The following ARHGAP28 variants were observed in gnomAD, a reference collection of about 807,000 sequenced individuals.
ARHGAP28 encodes rho GTPase-activating protein 28.
ARHGAP28 carries 56 observed loss-of-function variants against 90.7 expected under a neutral mutation model. That is an observed-to-expected ratio of 0.62 (90% CI 0.50 to 0.77). The LOEUF (loss-of-function observed/expected upper bound fraction) is 0.77. Among genes scored for constraint, ARHGAP28 ranks in the 30% least tolerant of loss-of-function variants. The pLI is 0.00. For synonymous variants in ARHGAP28, 308 were observed against 323.3 expected (o/e 0.95, Z 0.51); for missense variants, 869 against 900.9 (o/e 0.96, Z 0.45).
chr18:6,769,369 A>G (rs561609672), intron 1 of ARHGAP28, among the ~76,000 whole-genome samples: 2 of 152,320 alleles, frequency 1.3e-5, no homozygotes, highest in South Asian at 4.1e-4. Flanking sequence ...CTGGGGCTCC[A>G]TGTCTATCGT....
chr18:6,854,271 C>T (rs1229288204), intron 4 of ARHGAP28, among the ~76,000 whole-genome samples: 2 of 151,798 alleles, frequency 1.3e-5, no homozygotes, highest in Non-Finnish European at 2.9e-5. Context: ...GTTGCCTGGA[C>T]CTCATTCCTT....
intron 1 of ARHGAP28, among the ~76,000 whole-genome samples, chr18:6,783,442 C>T (rs888929743): frequency 6.9e-6 from 1 of 144,136 alleles, no homozygotes; most frequent in African/African-American, 2.9e-5. Context: ...GCTGGGATTA[C>T]AGGCATGTGC....
chr18:6,746,440 A>G (rs1813783446), intron 1 of ARHGAP28, among the ~76,000 whole-genome samples: 2 of 152,248 alleles, frequency 1.3e-5, no homozygotes, highest in East Asian at 1.9e-4. Context: ...AGAAACAGGT[A>G]GTAGCCTGGA....
chr18:6,905,104 T>C (rs1351438440), intron 16 of ARHGAP28, among the ~76,000 whole-genome samples: 1 of 149,476 alleles, frequency 6.7e-6, no homozygotes, highest in African/African-American at 2.5e-5. Context: ...AAAAAAGCCA[T>C]AAAAAAAAAC....
chr18:6,732,989 A>G (rs1174593092), intron 1 of ARHGAP28, among the ~76,000 whole-genome samples: 2 of 152,094 alleles, frequency 1.3e-5, no homozygotes, highest in Non-Finnish European at 2.9e-5. Context: ...AGAAAAAAAA[A>G]GGGGGCCATT....
intron 1 of ARHGAP28, chr18:6,730,219 G>GTA (rs374482561): frequency 0.32 from 51,045 of 157,346 alleles, 8,113 homozygotes; most frequent in South Asian, 0.45. Context: ...GATAAGTCAT[G>GTA]TGTATATATA....
chr18:6,882,312 C>CATATAACGTCTAT lies in ARHGAP28; in HGVS notation c.1453+13_1453+14insATATAACGTCTAT. ...AGTCTAATGGAAAGTAGGTGGAAGA[C>CATATAACGTCTAT]GTTATATGTGAATACGCTAAGATAT... On this transcript the variant is annotated intron_variant, in intron 11 of 17. Coordinates refer to ENST00000383472, the MANE Select transcript of ARHGAP28 (RefSeq NM_001366230.1). The CATATAACGTCTAT allele has an allele frequency of 6.2e-7, 1 of 1,605,054 alleles. No individual in the cohort carries two copies. The highest frequency in any genetic ancestry group is 1.1e-5 in the South Asian group (1 of 89,208).
chr18:6,833,687 C>T (rs2056732087), intron 2 of ARHGAP28, among the ~76,000 whole-genome samples: 1 of 152,128 alleles, frequency 6.6e-6, no homozygotes, highest in African/African-American at 2.4e-5. Flanking sequence ...TGTTCTGTCA[C>T]TGATGATGTC....
intron 1 of ARHGAP28, among the ~76,000 whole-genome samples, chr18:6,822,344 G>T (rs2056632421): frequency 6.6e-6 from 1 of 152,058 alleles, no homozygotes; most frequent in Non-Finnish European, 1.5e-5. Flanking sequence ...GTACATGGAG[G>T]GCAGGAGGCT....
At chr18:6,745,946 G>A (rs1174383584) in intron 1 of ARHGAP28, among the ~76,000 whole-genome samples, 2 of 152,118 alleles carry the variant, frequency 1.3e-5, no homozygotes, top group South Asian at 2.1e-4. Context: ...TGAGAAAACC[G>A]AACTCAAGAT....
chr18:6,776,409 G>T (rs1463232384), intron 1 of ARHGAP28, among the ~76,000 whole-genome samples: 1 of 152,210 alleles, frequency 6.6e-6, no homozygotes, highest in Non-Finnish European at 1.5e-5. Flanking sequence ...AAGATGTACA[G>T]TATTAATACA....
chr18:6,831,471 G>GTTTTTTTTTTTTTTTTTTTTTTTTTTT (rs57331018), intron 2 of ARHGAP28, among the ~76,000 whole-genome samples: 1 of 109,306 alleles, frequency 9.1e-6, no homozygotes, highest in African/African-American at 3.5e-5. Flanking sequence ...GTATCTTGAT[G>GTTTTTTTTTTTTTTTTTTTTTTTTTTT]TTTTTTTTTT....
intron 3 of ARHGAP28, among the ~76,000 whole-genome samples, chr18:6,841,180 C>CCTCTCTCTCTCTCTCTCTCTCTCT (rs143797436): frequency 1.8e-5 from 1 of 57,066 alleles, no homozygotes; most frequent in Non-Finnish European, 3.2e-5. Flanking sequence ...CTCTCTCTCT[C>CCTCTCTCTCTCTCTCTCTCTCTCT]CTCTCTCTCT....
At chr18:6,873,338 G>GAGTGAACAC in intron 7 of ARHGAP28, 71 bp from the exon 8 acceptor site, 2 of 1,313,272 alleles carry the variant, frequency 1.5e-6, no homozygotes, top group Non-Finnish European at 1.1e-6. Context: ...GAGTGTCCAG[G>GAGTGAACAC]TGGCATTTGA....
chr18:6,809,178 C>T (rs2056539278), intron 1 of ARHGAP28, among the ~76,000 whole-genome samples: 1 of 152,168 alleles, frequency 6.6e-6, no homozygotes, highest in Non-Finnish European at 1.5e-5. Flanking sequence ...CATCATAGTC[C>T]TGTTTTGCCT....
At position 6,873,413 on chromosome 18, in the gene ARHGAP28, T is replaced by G; in HGVS notation, c.959T>G (p.Phe320Cys). 1 of 1,598,828 alleles carries G rather than the reference T, an allele frequency of 6.3e-7. No homozygotes were observed. ...IKKEDYVLTK[F>C]NVQKTRFGLT... is the part of the protein sequence containing the mutation. ...TACCTTCACTGTGTGTTTTAGAAAT[T>G]TAATGTTCAGAAAACCAGATTTGGC... Residue 320 changes from phenylalanine to cysteine, a missense_variant, in exon 8 of 18, where the codon TTT (phenylalanine) becomes TGT (cysteine). By Grantham distance (205) the Phe-to-Cys change is radical (BLOSUM62 -2). Transcript: ENST00000383472.
At chr18:6,880,390 T>C (rs1251502281) in intron 10 of ARHGAP28, among the ~76,000 whole-genome samples, 1 of 152,182 alleles carries the variant, frequency 6.6e-6, no homozygotes, top group Admixed American at 6.5e-5. Flanking sequence ...TGTGGCTTCA[T>C]AACTGGGTTC....
intron 14 of ARHGAP28, among the ~76,000 whole-genome samples, chr18:6,893,427 G>A (rs1344344052): frequency 6.6e-6 from 1 of 152,178 alleles, no homozygotes; most frequent in Non-Finnish European, 1.5e-5. Flanking sequence ...CTTTGGATTT[G>A]TATCCAGAAT....
intron 3 of ARHGAP28, among the ~76,000 whole-genome samples, chr18:6,850,524 A>T: frequency 6.6e-6 from 1 of 152,196 alleles, no homozygotes; most frequent in East Asian, 1.9e-4. Flanking sequence ...CCATTCTGCC[A>T]CCCTTAGTGT....
Sources: allele counts gnomAD v4.1 joint callset (sites outside exome capture counted in the v4.1 genomes callset), GRCh38; gene constraint gnomAD v4.1.1; transcripts MANE v1.5; gene names NCBI Gene and HGNC (gene_info 2026-07-23, HGNC 2026-07-21).